Variants in NLRC4 observed in about 807,000 individuals in gnomAD.
NLRC4 encodes the protein NLR family CARD domain-containing protein 4.
A neutral mutation model predicts 79.9 loss-of-function variants in NLRC4; 63 were observed. The ratio of observed to expected loss-of-function variants is 0.79; its 90% CI spans 0.64 to 0.97. NLRC4 has a LOEUF of 0.97. Among genes scored for constraint, NLRC4 ranks in the 50% least tolerant of loss-of-function variants. NLRC4 has a pLI of 0.00. For missense variants in NLRC4, 1,074 were observed against 1,215.2 expected, an observed-to-expected ratio of 0.88 and a Z score of 1.73; for synonymous variants, 461 against 456.5, an observed-to-expected ratio of 1.01 and a Z score of -0.12.
At chr2:32,263,245 A>C (rs1021534664) in intron 1 of NLRC4, among the ~76,000 whole-genome samples, 5 of 152,156 alleles carry the variant, frequency 3.3e-5, no homozygotes, top group African/African-American at 1.2e-4. Flanking sequence ...CTGAATTCAA[A>C]TCCTCACTCT....
rs1381053714 is a variant in NLRC4 at position 32,248,311 on chromosome 2, C to T, written c.2257+1296G>A. Among the ~76,000 whole-genome samples, 10 of 152,156 alleles carry T rather than the reference C, an allele frequency of 6.6e-5. No homozygotes were observed. The South Asian group carries it at 1.7e-3, about 25-fold the overall frequency. ...GGAGACCCCAGAAAAAAACCTTAAA[C>T]TCAGTTCCTGGCCATGACAGGATGG... On this transcript the variant is annotated intron_variant, in intron 4 of 8. Coordinates refer to ENST00000402280, the MANE Select transcript of NLRC4 (RefSeq NM_001199138.2).
chr2:32,250,003 T>C lies in NLRC4; in HGVS notation c.1861A>G (p.Met621Val), dbSNP rs760207397. Residue 621 changes from methionine to valine, a missense_variant, in exon 4 of 9, where the codon ATG becomes GTG. Coordinates refer to ENST00000402280, the MANE Select transcript of NLRC4 (RefSeq NM_001199138.2). This position sits in a 1 kb window ranked among gnomAD's most constrained non-coding sequence, Gnocchi z 4.9. ...FIKLDFYGGAMASWEKAAEDT... is the reference protein window; with the variant it reads ...FIKLDFYGGAVASWEKAAEDT... ...TCTGCAGCCTTTTCCCATGAAGCCA[T>C]AGCTCCCCCATAAAAGTCCAGTTTA... The C allele has an allele frequency of 6.8e-6, 11 of 1,614,082 alleles. No individual in the cohort carries two copies. In the East Asian group the frequency reaches 1.6e-4, roughly 23 times the overall value.
intron 2 of NLRC4, among the ~76,000 whole-genome samples, chr2:32,255,733 G>T (rs1227165915): frequency 2.0e-5 from 3 of 151,894 alleles, no homozygotes; most frequent in Non-Finnish European, 4.4e-5. Flanking sequence ...TTGGAAAAGT[G>T]GCTAGGCGTG....
chr2:32,226,447 G>T (rs561271931), intron 8 of NLRC4, among the ~76,000 whole-genome samples: 9 of 152,326 alleles, frequency 5.9e-5, no homozygotes, highest in East Asian at 1.9e-4. Context: ...CTGCCTGACC[G>T]TGGTCAAGAT....
At position 32,250,469 on chromosome 2, in the gene NLRC4, C is replaced by T. The variant is rs759603462; in HGVS notation, c.1395G>A (p.Glu465=). 2.5e-6 allele frequency: 4 copies of T among 1,614,230 alleles called. No homozygotes were observed. The Admixed American group carries it at 5.0e-5, about 20-fold the overall frequency. The change falls in exon 4 of 9, where the codon GAG becomes GAA. Residue 465 remains glutamate (E), a synonymous_variant. Transcript: ENST00000402280. This position sits in a 1 kb window ranked among gnomAD's most constrained non-coding sequence, Gnocchi z 4.9. The stretch of plus-strand genomic sequence containing the variant: ...AGTAACCATTCCCCTTGGTCACCTC[C>T]TCTGGCTCATGAGACGTCAATAAAC... ...LSSLLTSHEP[E]EVTKGNGYLQ...
At chr2:32,227,329 C>G (rs928909260) in intron 8 of NLRC4, among the ~76,000 whole-genome samples, 1 of 152,204 alleles carries the variant, frequency 6.6e-6, no homozygotes, top group Admixed American at 6.5e-5. Context: ...ACAGCGTAGC[C>G]TATGCCCAGC....
At position 32,251,402 on chromosome 2, in the gene NLRC4, C is replaced by T. The variant is rs1038166808; in HGVS notation, c.462G>A (p.Leu154=). ...TCTGAAGAGCCTGCAGGAGGCCATT[C>T]AGGGTCAGCTGCTCCACGCGGTGAT... ...QHHHRVEQLT[L]NGLLQALQSP... The change falls in exon 4 of 9, where the codon CTG becomes CTA. Residue 154 remains leucine, a synonymous_variant. Transcript: ENST00000402280. 4 of 1,614,096 alleles carry T rather than the reference C, an allele frequency of 2.5e-6. No individual in the cohort carries two copies. The highest frequency in any genetic ancestry group is 3.4e-6 in the Non-Finnish European group (4 of 1,179,994).
intron 4 of NLRC4, among the ~76,000 whole-genome samples, chr2:32,243,192 C>T (rs562174353): frequency 1.2e-4 from 18 of 151,830 alleles, no homozygotes; most frequent in African/African-American, 3.4e-4. Flanking sequence ...AGGCAAATCA[C>T]GAGGTCAGGA....
At chr2:32,263,615 G>C (rs912972611) in intron 1 of NLRC4, among the ~76,000 whole-genome samples, 1 of 152,098 alleles carries the variant, frequency 6.6e-6, no homozygotes, top group African/African-American at 2.4e-5. Context: ...TATGAGAAGA[G>C]GAAATCGGGA....
At chr2:32,253,105 T>C (rs569800021) in intron 2 of NLRC4, among the ~76,000 whole-genome samples, 5 of 152,276 alleles carry the variant, frequency 3.3e-5, no homozygotes, top group Non-Finnish European at 5.9e-5. Flanking sequence ...TCCTGAGTTA[T>C]GGAGATGCCA....
chr2:32,235,411 A>T lies in NLRC4; in HGVS notation c.2772T>A (p.Ile924=). 1 of 1,613,768 alleles carries T rather than the reference A, an allele frequency of 6.2e-7. No individual in the cohort carries two copies. Among genetic ancestry groups the T allele is most frequent in the Non-Finnish European group, 8.5e-7 (1 of 1,179,602 alleles). ...LKNWRLTDTE[I]RILGAFFGKN... The stretch of plus-strand genomic sequence containing the variant: ...TATGTGTGTACCTACCTAAAATTCT[A>T]ATCTCTGTATCTGTGAGTCTCCAGT... Residue 924 remains isoleucine (I), a synonymous_variant, in exon 8 of 9, where the codon ATT becomes ATA. Transcript: ENST00000402280.
In NLRC4 at chr2:32,224,676, T is replaced by G. The variant is rs767141072; in HGVS notation, c.2872A>C (p.Met958Leu). ...RVSSDGWLAF[M>L]GVFENLKQLV... ...TGCTTAAGATTCTCAAATACACCCA[T>G]GAAGGCAAGCCATCCATCACTGCTC... Residue 958 changes from methionine (M) to leucine (L), a missense_variant, in exon 9 of 9, where the codon ATG (methionine) becomes CTG (leucine). Met to Leu is a conservative substitution (Grantham distance 15, BLOSUM62 2). Transcript: ENST00000402280. 4 of 1,613,176 alleles carry G rather than the reference T, an allele frequency of 2.5e-6. No individual in the cohort carries two copies. The highest frequency in any genetic ancestry group is 1.6e-4 in the Middle Eastern group (1 of 6,062).
chr2:32,261,316 C>CCCCTTTTTTTTTTTTTTTTTTTTTT lies in NLRC4; in HGVS notation c.-119+3421_-119+3422insAAAAAAAAAAAAAAAAAAAAAAGGG. On this transcript the variant is annotated intron_variant, in intron 1 of 8. Transcript: ENST00000402280. ...TTCTTTCGCCTATTAAGCCTCCCCC[C>CCCCTTTTTTTTTTTTTTTTTTTTTT]TTTTGTTTTTTTTTGAGATGGAGCC... is the stretch of plus-strand genomic sequence containing the variant. Among the ~76,000 whole-genome samples the CCCCTTTTTTTTTTTTTTTTTTTTTT allele has an allele frequency of 3.3e-4, 32 of 96,922 alleles. 1 individual carries two copies. The highest frequency in any genetic ancestry group is 4.8e-4 in the Admixed American group (4 of 8,338). 63.6% of individuals were successfully genotyped at this position (96,922 alleles called of 152,430 possible).
In NLRC4 at chr2:32,236,320, C is replaced by T. The variant is rs1351425146; in HGVS notation, c.2541G>A (p.Leu847=). The T allele has an allele frequency of 6.2e-7, 1 of 1,605,498 alleles. No individual in the cohort carries two copies. Among genetic ancestry groups the T allele is most frequent in the South Asian group, 1.1e-5 (1 of 89,388 alleles). Residue 847 remains leucine, a synonymous_variant, in exon 7 of 9, where the codon TTG becomes TTA. Transcript: ENST00000402280. ...VKILAQNLHN[L]VKLSILDLSE... is the part of the protein sequence containing the mutation. ...ATAAATCAAGAATGCTCAGTTTGAC[C>T]AAATTGTGAAGATTCTGAGCTGGGG...
chr2:32,239,422 T>C (rs1177728200), intron 5 of NLRC4, among the ~76,000 whole-genome samples: 3 of 152,224 alleles, frequency 2.0e-5, no homozygotes, highest in Non-Finnish European at 2.9e-5. Flanking sequence ...TAAATGTTCA[T>C]TGTTGTCATG....
intron 4 of NLRC4, among the ~76,000 whole-genome samples, chr2:32,248,229 G>C (rs1419776371): frequency 6.6e-6 from 1 of 151,838 alleles, no homozygotes; most frequent in Admixed American, 6.6e-5. Context: ...CTTGATTATA[G>C]CTGTAAACTA....
intron 8 of NLRC4, among the ~76,000 whole-genome samples, chr2:32,231,580 G>GGGC (rs1553342730): frequency 9.4e-6 from 1 of 106,580 alleles, no homozygotes; most frequent in Non-Finnish European, 2.0e-5. Flanking sequence ...TTTGTGGGGG[G>GGGC]GGGGTGGGGG....
At chr2:32,258,286 A>G (rs2148947158) in intron 1 of NLRC4, among the ~76,000 whole-genome samples, 1 of 152,088 alleles carries the variant, frequency 6.6e-6, no homozygotes, top group South Asian at 2.1e-4. Flanking sequence ...AGCTGCTTGT[A>G]TGTTCTTCCG....
intron 4 of NLRC4, among the ~76,000 whole-genome samples, chr2:32,248,119 A>C (rs1686981830): frequency 6.6e-6 from 1 of 152,206 alleles, no homozygotes; most frequent in South Asian, 2.1e-4. Flanking sequence ...ACAAAACTGC[A>C]CTTGTACCCC....
Sources: gnomAD v4.1 joint callset for allele counts (sites outside exome capture counted in the v4.1 genomes callset) on GRCh38, gnomAD v4.1.1 for gene constraint, Gnocchi (gnomAD v3.1) non-coding constraint, MANE v1.5 for transcripts, NCBI Gene and HGNC (gene_info 2026-07-23, HGNC 2026-07-21) for gene names.